TRPM3: variants seen among roughly 807,000 people sequenced by gnomAD.
TRPM3 encodes long transient receptor potential channel 3.
A neutral mutation model predicts 181.2 loss-of-function variants in TRPM3; 77 were observed. That is an observed-to-expected ratio of 0.42 (90% confidence interval 0.35 to 0.51). The LOEUF is 0.51. Ranked by LOEUF, TRPM3 falls within the 20% of genes least tolerant of loss-of-function variation. TRPM3 has a pLI of 0.01. For missense variants in TRPM3, 1,759 were observed against 2,196.7 expected (o/e 0.80, Z 3.98); for synonymous variants, 745 against 796.4 (o/e 0.94, Z 1.09).
chr9:71,320,037 A>G (rs2089051056), intron 1 of TRPM3, among the ~76,000 whole-genome samples: 1 of 152,118 alleles, frequency 6.6e-6, no homozygotes, highest in Admixed American at 6.6e-5. Context: ...CTTTTGGAAG[A>G]AGATGGGAAT....
intron 1 of TRPM3, among the ~76,000 whole-genome samples, chr9:71,133,275 ATTC>A (rs1341144466): frequency 1.4e-5 from 2 of 142,214 alleles, no homozygotes; most frequent in Non-Finnish European, 1.5e-5. Flanking sequence ...GCCATTTGTA[ATTC>A]TTCTAGCAAA....
chr9:71,083,224 AT>A (rs2064673580), intron 1 of TRPM3, among the ~76,000 whole-genome samples: 1 of 152,136 alleles, frequency 6.6e-6, no homozygotes, highest in Non-Finnish European at 1.5e-5. Flanking sequence ...CAGTCTCATA[AT>A]GATAACTACC....
chr9:70,558,770 G>A (rs999336878), intron 22 of TRPM3, among the ~76,000 whole-genome samples: 2 of 152,124 alleles, frequency 1.3e-5, no homozygotes, highest in Non-Finnish European at 2.9e-5. Flanking sequence ...GTCACGTGCA[G>A]GTACAGAATG....
intron 1 of TRPM3, among the ~76,000 whole-genome samples, chr9:70,957,550 T>A (rs1262291515): frequency 6.6e-6 from 1 of 152,352 alleles, no homozygotes; most frequent in East Asian, 1.9e-4. Flanking sequence ...ACCTCATATT[T>A]TTTTTTGAAG....
Position 70,598,683 on chromosome 9 carries a change from A to G in TRPM3, c.2797-13T>C. 6.2e-7 allele frequency: 1 copy of G among 1,611,058 alleles called. No homozygotes were observed. The highest frequency in any genetic ancestry group is 8.5e-7 in the Non-Finnish European group (1 of 1,177,578). The stretch of plus-strand genomic sequence containing the variant: ...CTGACATCAGAATCTATAAGGCAGG[A>G]AGGAGAGCAGAGTTAGGTCTGGTTT... On this transcript the variant is annotated splice_polypyrimidine_tract_variant and intron_variant, in intron 20 of 25. Transcript: ENST00000677713.
intron 1 of TRPM3, among the ~76,000 whole-genome samples, chr9:71,147,268 A>T (rs1344955791): frequency 6.6e-6 from 1 of 152,130 alleles, no homozygotes; most frequent in Non-Finnish European, 1.5e-5. Context: ...TCCTTCATTG[A>T]ACAAACATTT....
intron 22 of TRPM3, among the ~76,000 whole-genome samples, chr9:70,574,088 G>A (rs530373945): frequency 2.8e-4 from 40 of 141,982 alleles, no homozygotes; most frequent in South Asian, 6.8e-4. Context: ...ACACACACGC[G>A]CGCGCACACA....
chr9:70,959,289 C>T (rs2097112649), intron 1 of TRPM3, among the ~76,000 whole-genome samples: 1 of 151,806 alleles, frequency 6.6e-6, no homozygotes, highest in Non-Finnish European at 1.5e-5. Context: ...ATGCTTATTA[C>T]AATTTAATAC....
intron 1 of TRPM3, among the ~76,000 whole-genome samples, chr9:71,347,487 G>A (rs2091363395): frequency 6.6e-6 from 1 of 152,094 alleles, no homozygotes; most frequent in Admixed American, 6.6e-5. Context: ...TTGACACAGT[G>A]GTTGATTTTA....
intron 7 of TRPM3, among the ~76,000 whole-genome samples, chr9:70,769,015 AGAT>A (rs1484117641): frequency 6.6e-6 from 1 of 152,176 alleles, no homozygotes; most frequent in East Asian, 1.9e-4. Flanking sequence ...TATCTTATTC[AGAT>A]GATACCAACA....
intron 9 of TRPM3, among the ~76,000 whole-genome samples, chr9:70,658,626 C>T (rs1241607514): frequency 6.6e-6 from 1 of 151,928 alleles, no homozygotes; most frequent in East Asian, 1.9e-4. Context: ...AACAAATTTC[C>T]TTGTCAATTG....
At chr9:71,096,629 C>T (rs1035798894) in intron 1 of TRPM3, among the ~76,000 whole-genome samples, 14 of 150,744 alleles carry the variant, frequency 9.3e-5, no homozygotes, top group Non-Finnish European at 1.5e-4. Context: ...CTCTCTCCCC[C>T]TCTCCCTCAA....
At chr9:70,865,555 G>A (rs1226793697) in intron 1 of TRPM3, 2 of 152,044 alleles carry the variant, frequency 1.3e-5, no homozygotes, top group Non-Finnish European at 2.9e-5. Context: ...CTGTCTCAAT[G>A]GTGTTAACTG....
intron 3 of TRPM3, among the ~76,000 whole-genome samples, chr9:70,850,174 G>A (rs560362903): frequency 1.3e-5 from 2 of 152,082 alleles, no homozygotes; most frequent in Non-Finnish European, 2.9e-5. Flanking sequence ...TTTGACTAGA[G>A]TTTACAATAT....
intron 1 of TRPM3, among the ~76,000 whole-genome samples, chr9:71,258,494 A>T (rs2082821953): frequency 6.6e-6 from 1 of 152,126 alleles, no homozygotes; most frequent in Non-Finnish European, 1.5e-5. Context: ...CTTGTATCTC[A>T]TATTATTTTC....
chr9:70,794,150 C>T lies in TRPM3; in HGVS notation c.974-9871G>A, dbSNP rs980060477. Among the ~76,000 whole-genome samples the T allele has an allele frequency of 4.0e-5, 6 of 151,504 alleles. No homozygotes were observed. In the South Asian group the frequency reaches 1.3e-3, roughly 32 times the overall value. The stretch of plus-strand genomic sequence containing the variant: ...TATTCAGGTCAATGCTGAGTGCAGT[C>T]CCAATACCCTGTTTAGTGTCAGGAG... On this transcript the variant is annotated intron_variant, in intron 6 of 25. Transcript: ENST00000677713.
intron 1 of TRPM3, among the ~76,000 whole-genome samples, chr9:71,183,176 A>C (rs558645965): frequency 6.6e-6 from 1 of 152,264 alleles, no homozygotes; most frequent in African/African-American, 2.4e-5. Flanking sequence ...AATATCAAAA[A>C]AAAATATGAT....
At chr9:71,444,181 A>G (rs2131691532) in intron 1 of TRPM3, among the ~76,000 whole-genome samples, 1 of 151,484 alleles carries the variant, frequency 6.6e-6, no homozygotes, top group East Asian at 1.9e-4. Context: ...ACATCTCAAA[A>G]AAAAAAAAAA....
upstream of TRPM3, among the ~76,000 whole-genome samples, chr9:71,122,007 G>A (rs1391726155): frequency 6.6e-6 from 1 of 152,188 alleles, no homozygotes; most frequent in Non-Finnish European, 1.5e-5. Flanking sequence ...TTGCATAGAT[G>A]ACAGACACTG....
Sources: gnomAD v4.1 joint callset for allele counts (sites outside exome capture counted in the v4.1 genomes callset) on GRCh38, gnomAD v4.1.1 for gene constraint, MANE v1.5 for transcripts, NCBI Gene and HGNC (gene_info 2026-07-23, HGNC 2026-07-21) for gene names.